The following CSMD3 variants were observed in gnomAD, a reference collection of about 807,000 sequenced individuals.
The protein encoded by CSMD3 is CUB and Sushi multiple domains 3.
In CSMD3, 177 loss-of-function variants were observed where a neutral mutation model predicts 435.2. The ratio of observed to expected loss-of-function variants is 0.41; its 90% CI spans 0.36 to 0.46. The LOEUF (loss-of-function observed/expected upper bound fraction) is 0.46, where lower values mean the gene tolerates loss of function less well. Among genes scored for constraint, CSMD3 ranks in the 20% least tolerant of loss-of-function variants. The probability of loss-of-function intolerance (pLI) is 0.34; values close to 1 mark genes in which losing one functional copy is unlikely to be tolerated. For synonymous variants in CSMD3, 1,656 were observed against 1,520.5 expected (o/e 1.09, Z -2.07); for missense variants, 4,265 against 4,504.6 (o/e 0.95, Z 1.52).
chr8:112,429,091 A>T (rs1813388523), intron 32 of CSMD3, among the ~76,000 whole-genome samples: 1 of 152,092 alleles, frequency 6.6e-6, no homozygotes. Context: ...AGAATCCAAT[A>T]TATCTTTAAC....
intron 12 of CSMD3, among the ~76,000 whole-genome samples, chr8:112,804,832 T>C (rs1220861996): frequency 6.6e-6 from 1 of 151,860 alleles, no homozygotes; most frequent in African/African-American, 2.4e-5. Context: ...ACCCAGCTAA[T>C]TTTTGTATTT....
At chr8:112,464,709 T>C (rs959604345) in intron 32 of CSMD3, among the ~76,000 whole-genome samples, 1 of 152,170 alleles carries the variant, frequency 6.6e-6, no homozygotes, top group Non-Finnish European at 1.5e-5. Context: ...TTTTTATGTC[T>C]CTACAATATG....
At chr8:112,780,631 G>A (rs1297420873) in intron 13 of CSMD3, among the ~76,000 whole-genome samples, 2 of 152,006 alleles carry the variant, frequency 1.3e-5, no homozygotes, top group Non-Finnish European at 2.9e-5. Context: ...AGCAGCAGTG[G>A]GGCACACAGA....
intron 13 of CSMD3, among the ~76,000 whole-genome samples, chr8:112,743,808 A>C (rs2132067267): frequency 6.6e-6 from 1 of 152,144 alleles, no homozygotes; most frequent in Non-Finnish European, 1.5e-5. Context: ...CGTTCTGATA[A>C]ACACCTGGTT....
intron 6 of CSMD3, among the ~76,000 whole-genome samples, chr8:112,984,078 A>G (rs1461272542): frequency 6.6e-6 from 1 of 152,064 alleles, no homozygotes; most frequent in Non-Finnish European, 1.5e-5. Flanking sequence ...GAGGGGAAAA[A>G]AAACTTCAGA....
chr8:112,358,073 C>T (rs1826814500), intron 38 of CSMD3, among the ~76,000 whole-genome samples: 1 of 152,156 alleles, frequency 6.6e-6, no homozygotes, highest in African/African-American at 2.4e-5. Context: ...AAGAGGGAAC[C>T]TACCTCTTAC....
intron 1 of CSMD3, among the ~76,000 whole-genome samples, chr8:113,328,520 G>A (rs1213662928): frequency 2.6e-5 from 4 of 151,546 alleles, no homozygotes; most frequent in Admixed American, 6.6e-5. Flanking sequence ...TTTGCTAACT[G>A]AGCAGAAGCT....
chr8:112,797,198 G>C (rs1419712273), intron 13 of CSMD3, among the ~76,000 whole-genome samples: 4 of 151,828 alleles, frequency 2.6e-5, no homozygotes, highest in Non-Finnish European at 5.9e-5. Context: ...CAATAGTACA[G>C]TCTTAGAACA....
chr8:113,137,479 T>G (rs2091445135), intron 4 of CSMD3, among the ~76,000 whole-genome samples: 1 of 151,720 alleles, frequency 6.6e-6, no homozygotes, highest in Admixed American at 6.6e-5. Context: ...TCTATCAAAA[T>G]ATTTGAGACT....
chr8:112,672,683 T>G lies in CSMD3; in HGVS notation c.2678-6268A>C, dbSNP rs575739002. Among the ~76,000 whole-genome samples the G allele has an allele frequency of 1.2e-3, 188 of 152,262 alleles. 4 individuals are homozygous for G. The highest frequency in any genetic ancestry group is 1.6e-3 in the Non-Finnish European group (106 of 68,020). ...GGTCGTTGCCTTTAATTCTTCTTTT[T>G]GTAGCAATGAAAACAACAATGAGAT... On this transcript the variant is annotated intron_variant, in intron 16 of 70. Transcript: ENST00000297405.
chr8:112,237,451 C>T (rs1813693636), intron 66 of CSMD3, 103 bp from the exon 67 acceptor site: 7 of 854,588 alleles, frequency 8.2e-6, no homozygotes, highest in South Asian at 7.1e-5. Flanking sequence ...ATTGCTAATA[C>T]ACAATAATGT....
At chr8:113,161,176 T>C (rs763977394) in intron 4 of CSMD3, among the ~76,000 whole-genome samples, 8 of 152,160 alleles carry the variant, frequency 5.3e-5, no homozygotes, top group Admixed American at 1.3e-4. Flanking sequence ...TCAGTGATGA[T>C]AGATTCACAC....
At chr8:112,954,441 T>A (rs1402547910) in intron 8 of CSMD3, among the ~76,000 whole-genome samples, 2 of 151,546 alleles carry the variant, frequency 1.3e-5, no homozygotes, top group Non-Finnish European at 3.0e-5. Context: ...TATTTTTACA[T>A]CTTGAAATAT....
chr8:112,443,092 T>C (rs75172032), intron 32 of CSMD3, among the ~76,000 whole-genome samples: 1,773 of 152,292 alleles, frequency 0.012, 38 homozygotes, highest in African/African-American at 0.041. Context: ...AGTGCCTCCC[T>C]GGTGCCAGGA....
At chr8:112,511,480 C>T (rs568923374) in intron 28 of CSMD3, among the ~76,000 whole-genome samples, 6 of 150,698 alleles carry the variant, frequency 4.0e-5, no homozygotes, top group East Asian at 2.0e-4. Context: ...AGCTCCGTCT[C>T]CCGGGTTCAC....
In CSMD3 at chr8:112,361,572, C is replaced by CATATATAT. The variant is rs4030099; in HGVS notation, c.6137-9046_6137-9039dup. On this transcript the variant is annotated intron_variant, in intron 38 of 70. Coordinates refer to ENST00000297405, the MANE Select transcript of CSMD3 (RefSeq NM_198123.2). ...GTGTGTATGTATATATATACACATA[C>CATATATAT]ATATATATATATATATATATATATA... Among the ~76,000 whole-genome samples, 130 of 107,050 alleles carry CATATATAT rather than the reference C, an allele frequency of 1.2e-3. 2 individuals carry two copies. Among genetic ancestry groups the CATATATAT allele is most frequent in the South Asian group, 1.6e-3 (5 of 3,152 alleles). The allele number at this position is 107,050 out of a possible 152,430, so 70.2% of individuals were successfully genotyped here. A position where few individuals can be genotyped will look rare whatever the true frequency, so the allele number is the denominator to read the frequency against.
In CSMD3 at chr8:113,259,038, A is replaced by G. The variant is rs182271634; in HGVS notation, c.514+19554T>C. Among the ~76,000 whole-genome samples the G allele has an allele frequency of 4.8e-4, 73 of 152,294 alleles. No individual in the cohort carries two copies. In the East Asian group the frequency reaches 5.6e-3, roughly 12 times the overall value. Reference sequence around the variant, plus strand: ...ATTGAAAAAGACATGGAGATGAGACAATTTGGAATTCAGGAAAGATATCTA... The same window carrying G: ...ATTGAAAAAGACATGGAGATGAGACGATTTGGAATTCAGGAAAGATATCTA... On this transcript the variant is annotated intron_variant, in intron 3 of 70. Coordinates refer to ENST00000297405, the MANE Select transcript of CSMD3 (RefSeq NM_198123.2).
At chr8:113,350,137 G>C (rs2094180093) in intron 1 of CSMD3, among the ~76,000 whole-genome samples, 1 of 151,974 alleles carries the variant, frequency 6.6e-6, no homozygotes, top group Non-Finnish European at 1.5e-5. Context: ...TTCAGTCCAA[G>C]CAGAGGTCAT....
chr8:112,811,545 A>C (rs1048601767), intron 12 of CSMD3, among the ~76,000 whole-genome samples: 2 of 152,140 alleles, frequency 1.3e-5, no homozygotes, highest in Non-Finnish European at 2.9e-5. Flanking sequence ...ACTTGGCTCC[A>C]TTATGTAACT....
Sources: allele counts gnomAD v4.1 joint callset (sites outside exome capture counted in the v4.1 genomes callset), GRCh38; gene constraint gnomAD v4.1.1; transcripts MANE v1.5; gene names NCBI Gene and HGNC (gene_info 2026-07-23, HGNC 2026-07-21).